The following DRC8 variants were observed in gnomAD, a reference collection of about 807,000 sequenced individuals.
DRC8 encodes the protein dynein regulatory complex protein 8.
chr1:245,076,779 T>C, the DRC8 span, among the ~76,000 whole-genome samples: 43 of 151,610 alleles, frequency 2.8e-4, 1 homozygote, highest in African/African-American at 1.0e-3. Flanking sequence ...TGCTCTGGAG[T>C]GTAGTGGTGC....
At chr1:245,115,700 G>T in the DRC8 span, among the ~76,000 whole-genome samples, 4 of 152,152 alleles carry the variant, frequency 2.6e-5, no homozygotes, top group African/African-American at 4.8e-5. Flanking sequence ...AGGGAGGTGG[G>T]CGTGTGAACA....
chr1:245,106,004 A>G, the DRC8 span, among the ~76,000 whole-genome samples: 1 of 152,208 alleles, frequency 6.6e-6, no homozygotes, highest in Non-Finnish European at 1.5e-5. Flanking sequence ...ACTTGAGCCC[A>G]GGAGTTCGAG....
chr1:245,100,317 G>A, the DRC8 span, among the ~76,000 whole-genome samples: 11 of 152,010 alleles, frequency 7.2e-5, no homozygotes, highest in South Asian at 8.3e-4. Flanking sequence ...CCCCGGAGGC[G>A]GAGGTTGCAG....
the DRC8 span, chr1:245,017,231 G>T: frequency 6.3e-7 from 1 of 1,585,164 alleles, no homozygotes; most frequent in East Asian, 2.2e-5. Context: ...TATTTACTTT[G>T]TCTTTTGCAG....
the DRC8 span, among the ~76,000 whole-genome samples, chr1:245,028,999 C>T: frequency 2.0e-5 from 3 of 152,234 alleles, no homozygotes; most frequent in African/African-American, 4.8e-5. Context: ...TTTTCTGTAG[C>T]GTTCGGGGAT....
At chr1:244,986,402 G>T in the DRC8 span, among the ~76,000 whole-genome samples, 1 of 152,202 alleles carries the variant, frequency 6.6e-6, no homozygotes, top group South Asian at 2.1e-4. Context: ...AGGCTCCATT[G>T]TGGCTGGAAT....
chr1:244,982,658 C>G, the DRC8 span, among the ~76,000 whole-genome samples: 1 of 151,998 alleles, frequency 6.6e-6, no homozygotes, highest in South Asian at 2.1e-4. Context: ...TAGAAACTTT[C>G]CAAACTGAAT....
At chr1:244,980,801 A>G in the DRC8 span, among the ~76,000 whole-genome samples, 1 of 152,310 alleles carries the variant, frequency 6.6e-6, no homozygotes, top group Admixed American at 6.5e-5. Flanking sequence ...AATGAGAATG[A>G]TGTGTGTTGG....
chr1:245,020,065 C>G, the DRC8 span, among the ~76,000 whole-genome samples: 6 of 152,148 alleles, frequency 3.9e-5, no homozygotes, highest in Non-Finnish European at 8.8e-5. Context: ...GCCCCCCGCC[C>G]CCAGGCACTG....
At chr1:245,045,767 GCCATCGGTCTGACTGGTTGTGGACAGCAA>G in the DRC8 span, among the ~76,000 whole-genome samples, 1 of 75,652 alleles carries the variant, frequency 1.3e-5, no homozygotes, top group Non-Finnish European at 3.2e-5. Flanking sequence ...GTGGACAGCA[GCCATCGGTCTGACTGGTTGTGGACAGCAA>G]CCATTCAGAG....
At chr1:245,113,762 C>A in the DRC8 span, among the ~76,000 whole-genome samples, 265 of 152,258 alleles carry the variant, frequency 1.7e-3, no homozygotes, top group African/African-American at 6.0e-3. Flanking sequence ...CGACACTTTA[C>A]GCGCTTTATC....
At chr1:245,052,897 C>T in the DRC8 span, among the ~76,000 whole-genome samples, 3 of 152,228 alleles carry the variant, frequency 2.0e-5, no homozygotes, top group African/African-American at 4.8e-5. Context: ...TTGTACTACA[C>T]AGAGGACAGA....
At chr1:245,056,757 G>A in the DRC8 span, among the ~76,000 whole-genome samples, 7 of 152,124 alleles carry the variant, frequency 4.6e-5, no homozygotes, top group African/African-American at 1.4e-4. Context: ...CCAACATGGT[G>A]AGACCCCATC....
the DRC8 span, among the ~76,000 whole-genome samples, chr1:245,025,905 TCCA>T: frequency 1.2e-4 from 18 of 152,194 alleles, no homozygotes; most frequent in Non-Finnish European, 2.4e-4. Flanking sequence ...TCCTTCGCCT[TCCA>T]CCATGATTGT....
chr1:244,987,953 C>T, the DRC8 span, among the ~76,000 whole-genome samples: 3 of 152,056 alleles, frequency 2.0e-5, no homozygotes, highest in Non-Finnish European at 4.4e-5. Flanking sequence ...GGTGATTTGA[C>T]TTGTGTTTTG....
chr1:245,068,353 A>C, the DRC8 span, among the ~76,000 whole-genome samples: 1 of 152,298 alleles, frequency 6.6e-6, no homozygotes, highest in Admixed American at 6.5e-5. Flanking sequence ...CATCACCTTA[A>C]TATAATCATT....
the DRC8 span, among the ~76,000 whole-genome samples, chr1:245,099,351 A>G: frequency 6.6e-6 from 1 of 152,226 alleles, no homozygotes; most frequent in East Asian, 1.9e-4. Context: ...AAAAGCCCAT[A>G]GTGAGACTAG....
At chr1:245,064,449 C>T in the DRC8 span, among the ~76,000 whole-genome samples, 2 of 152,230 alleles carry the variant, frequency 1.3e-5, no homozygotes, top group Non-Finnish European at 1.5e-5. Flanking sequence ...TTGACCTCGA[C>T]ATCTGTGCAC....
At chr1:245,032,694 G>A in the DRC8 span, among the ~76,000 whole-genome samples, 2 of 152,140 alleles carry the variant, frequency 1.3e-5, no homozygotes. Flanking sequence ...ATATTAGCTG[G>A]GGGTATGTAA....
Sources: gnomAD v4.1 joint callset for allele counts (sites outside exome capture counted in the v4.1 genomes callset) on GRCh38, gnomAD v4.1.1 for gene constraint, MANE v1.5 for transcripts, NCBI Gene and HGNC (gene_info 2026-07-23, HGNC 2026-07-21) for gene names.